AP4E1: variants seen among roughly 807,000 people sequenced by gnomAD.
AP4E1 encodes adaptor related protein complex 4 subunit epsilon 1.
A neutral mutation model predicts 128.2 loss-of-function variants in AP4E1; 56 were observed. The observed-to-expected ratio is 0.44, with a 90% CI of 0.35 to 0.55. AP4E1 has a LOEUF of 0.55. Ranked by LOEUF, AP4E1 falls within the 20% of genes least tolerant of loss-of-function variation. The pLI, the probability that AP4E1 is intolerant of heterozygous loss-of-function variation, is 0.00. For missense variants in AP4E1, 1,324 were observed against 1,307.7 expected, an observed-to-expected ratio of 1.01 and a Z score of -0.19; for synonymous variants, 484 against 473.1, an observed-to-expected ratio of 1.02 and a Z score of -0.30.
chr15:50,948,049 T>C lies in AP4E1; in HGVS notation c.1206T>C (p.Asn402=), dbSNP rs1157595232. The part of the protein sequence containing the change: ...ETLELLYRIT[N]AQNITVIVQK... ...TGGAACTTCTTTACAGAATTACTAA[T>C]GCACAGAATATAACAGTTATTGTCC... The change falls in exon 11 of 21, where the codon AAT becomes AAC. Residue 402 remains asparagine (N), a synonymous_variant. Transcript: ENST00000261842. 1 of 1,608,620 alleles carries C rather than the reference T, an allele frequency of 6.2e-7. No homozygotes were observed. The highest frequency in any genetic ancestry group is 8.5e-7 in the Non-Finnish European group (1 of 1,175,286).
chr15:50,947,907 A>ACT (rs1363126190), intron 10 of AP4E1, 113 bp from the exon 11 acceptor site: 3 of 850,314 alleles, frequency 3.5e-6, no homozygotes, highest in Non-Finnish European at 5.4e-6. Context: ...ACTACCCAGT[A>ACT]GATCTCCATA....
At chr15:50,961,616 GC>G in intron 14 of AP4E1, among the ~76,000 whole-genome samples, 1 of 151,726 alleles carries the variant, frequency 6.6e-6, no homozygotes, top group Non-Finnish European at 1.5e-5. Context: ...ACGTCATAAA[GC>G]CCATATATGA....
chr15:51,002,014 G>C (rs1355596991), intron 20 of AP4E1, among the ~76,000 whole-genome samples: 1 of 152,146 alleles, frequency 6.6e-6, no homozygotes, highest in Non-Finnish European at 1.5e-5. Context: ...GAGTAGCTAG[G>C]ATTACAGGTG....
chr15:50,997,947 T>C, intron 18 of AP4E1, 64 bp downstream of exon 18: 1 of 1,229,618 alleles, frequency 8.1e-7, no homozygotes. Flanking sequence ...TTTCCTGTGC[T>C]CTTTAAATGT....
chr15:50,977,709 T>TTTTTTG (rs1555460363), intron 15 of AP4E1, among the ~76,000 whole-genome samples: 2 of 89,430 alleles, frequency 2.2e-5, no homozygotes, highest in African/African-American at 7.2e-5. Context: ...TGTTATGGTT[T>TTTTTTG]TTTTTTTTTT....
At chr15:50,943,190 G>A (rs2064010668) in intron 10 of AP4E1, among the ~76,000 whole-genome samples, 1 of 151,964 alleles carries the variant, frequency 6.6e-6, no homozygotes, top group African/African-American at 2.4e-5. Flanking sequence ...TAGGATAATG[G>A]CTTCCAGCTG....
chr15:50,924,864 C>T (rs1012578519), intron 4 of AP4E1, among the ~76,000 whole-genome samples: 19 of 152,168 alleles, frequency 1.2e-4, no homozygotes, highest in Middle Eastern at 6.8e-3. Context: ...TTCAGAACAG[C>T]GATAAAATTT....
intron 14 of AP4E1, among the ~76,000 whole-genome samples, chr15:50,963,344 T>C (rs1206144710): frequency 6.6e-6 from 1 of 152,164 alleles, no homozygotes; most frequent in Non-Finnish European, 1.5e-5. Flanking sequence ...GGAATCAACC[T>C]AAGTGTCCAC....
chr15:50,950,521 T>C (rs985033621), intron 13 of AP4E1, among the ~76,000 whole-genome samples: 1 of 152,218 alleles, frequency 6.6e-6, no homozygotes, highest in African/African-American at 2.4e-5. Flanking sequence ...TTTAACCAAA[T>C]AGAAGGAGGT....
Position 50,997,457 on chromosome 15 carries a change from T to G in AP4E1, c.2478T>G (p.Tyr826Ter). 6.2e-7 allele frequency: 1 copy of G among 1,614,008 alleles called. No individual in the cohort carries two copies. The highest frequency in any genetic ancestry group is 8.5e-7 in the Non-Finnish European group (1 of 1,179,948). The change falls in exon 18 of 21, where the codon TAT (tyrosine) becomes TAG (stop). Residue 826 changes from tyrosine to a stop codon, truncating the protein, a stop_gained. Transcript: ENST00000261842. LOFTEE classifies it high-confidence loss of function. ...TTAGTTCTTTGTCAAATGTGGCATA[T>G]GAAGATGATTATTATTCGAATACTT... Reference protein sequence around the residue: ...SSFSSLSNVAYEDDYYSNTLH... With the variant: ...SSFSSLSNVA
Position 51,001,007 on chromosome 15 carries a change from T to C in AP4E1, c.3096-19T>C. On this transcript the variant is annotated intron_variant, in intron 19 of 20. Transcript: ENST00000261842. Reference sequence around the variant, plus strand: ...TTCACTGTTTTTGACATATATCTAATTTTAAAAATTATTTTCAGACCATTA... The same window carrying C: ...TTCACTGTTTTTGACATATATCTAACTTTAAAAATTATTTTCAGACCATTA... 6.3e-7 allele frequency: 1 copy of C among 1,590,944 alleles called. No homozygotes were observed. Among genetic ancestry groups the C allele is most frequent in the East Asian group, 2.2e-5 (1 of 44,642 alleles).
intron 8 of AP4E1, among the ~76,000 whole-genome samples, chr15:50,940,099 G>GC (rs1339339413): frequency 6.6e-6 from 1 of 152,102 alleles, no homozygotes. Context: ...CTCCATTCCT[G>GC]CCTTATCTTA....
intron 5 of AP4E1, among the ~76,000 whole-genome samples, chr15:50,926,368 C>T (rs1459570233): frequency 2.6e-5 from 4 of 151,700 alleles, no homozygotes; most frequent in Non-Finnish European, 5.9e-5. Context: ...GAACTCCTGA[C>T]CTTGTGATTC....
rs1312065958 is a variant in AP4E1, at chr15:50,949,914, A to C, written c.1405A>C (p.Asn469His). 1.2e-6 allele frequency: 2 copies of C among 1,613,464 alleles called. No homozygotes were observed. The highest frequency in any genetic ancestry group is 2.7e-5 in the African/African-American group (2 of 74,932). The change falls in exon 12 of 21, where the codon AAC (asparagine) becomes CAC (histidine). Residue 469 changes from asparagine (N) to histidine (H), a missense_variant. Asn to His is a moderately conservative substitution (Grantham distance 68). Coordinates refer to ENST00000261842, the MANE Select transcript of AP4E1 (RefSeq NM_007347.5). ...TGTAATGCATCCTGATATTCCCAAT[A>C]ACTTTCTGAGACTACTAGCGGAAGG... ...GDVMHPDIPN[N>H]FLRLLAEGFD...
chr15:50,985,094 C>T (rs922104523), intron 16 of AP4E1, among the ~76,000 whole-genome samples: 1 of 152,212 alleles, frequency 6.6e-6, no homozygotes, highest in Non-Finnish European at 1.5e-5. Context: ...GTTTTGGCTG[C>T]ATAAATGTCT....
rs142155942 is a variant in AP4E1 at position 50,952,250 on chromosome 15, C to T, written c.1548+2081C>T. 1.8e-3 allele frequency among the ~76,000 whole-genome samples: 270 copies of T among 152,194 alleles called. 2 individuals are homozygous for T. Among genetic ancestry groups the T allele is most frequent in the African/African-American group, 6.3e-3 (261 of 41,542 alleles). On this transcript the variant is annotated intron_variant, in intron 13 of 20. Transcript: ENST00000261842. ...AAGACACTGGGCGCGGTGGCTCATG[C>T]CTGTAATCCCAGCACTTTGGGATGC...
At chr15:50,921,252 C>T (rs994611950) in intron 3 of AP4E1, among the ~76,000 whole-genome samples, 2 of 152,014 alleles carry the variant, frequency 1.3e-5, no homozygotes, top group South Asian at 2.1e-4. Context: ...GGCCCCCCAA[C>T]GTGCTGGAAT....
In AP4E1 at chr15:50,915,498, A is replaced by T; in HGVS notation, c.273A>T (p.Gly91=). The stretch of plus-strand genomic sequence containing the variant: ...GACTTATATATTGTGAAATGCTTGG[A>T]TATGATGCTTCCTTTGGCTATATTC... ...MVRLIYCEML[G]YDASFGYIHA... The change falls in exon 3 of 21, where the codon GGA becomes GGT. Residue 91 remains glycine (G), a synonymous_variant. Transcript: ENST00000261842. 1 of 1,613,628 alleles carries T rather than the reference A, an allele frequency of 6.2e-7. No homozygotes were observed. Among genetic ancestry groups the T allele is most frequent in the Non-Finnish European group, 8.5e-7 (1 of 1,179,728 alleles).
Position 50,958,777 on chromosome 15 carries a change from A to G in AP4E1, c.1834A>G (p.Ser612Gly). ...GAAGAGCTTGCTTCCAGTTGACAGG[A>G]GTTGTGAAGACTTGGTGGTAAGACA... is the stretch of plus-strand genomic sequence containing the variant. ...LMKSLLPVDR[S>G]CEDLVVDASL... The change falls in exon 14 of 21, where the codon AGT (serine) becomes GGT (glycine). Residue 612 changes from serine (S) to glycine (G), a missense_variant. Transcript: ENST00000261842. 6.2e-7 allele frequency: 1 copy of G among 1,614,168 alleles called. No homozygotes were observed. The highest frequency in any genetic ancestry group is 8.5e-7 in the Non-Finnish European group (1 of 1,180,014).
Sources: gnomAD v4.1 joint callset for allele counts (sites outside exome capture counted in the v4.1 genomes callset) on GRCh38, gnomAD v4.1.1 for gene constraint, MANE v1.5 for transcripts, NCBI Gene and HGNC (gene_info 2026-07-23, HGNC 2026-07-21) for gene names.